Variants in DCDC2 observed in about 807,000 individuals in gnomAD.
The protein encoded by DCDC2 is doublecortin domain containing 2, also known as doublecortin domain-containing protein 2.
A neutral mutation model predicts 50.2 loss-of-function variants in DCDC2; 40 were observed. The observed-to-expected ratio is 0.80, with a 90% CI of 0.62 to 1.04. The LOEUF (loss-of-function observed/expected upper bound fraction) is 1.04. Ranked by LOEUF, DCDC2 falls within the 50% of genes least tolerant of loss-of-function variation. DCDC2 has a pLI of 0.00. For missense variants in DCDC2, 570 were observed against 581.9 expected (o/e 0.98, Z 0.21); for synonymous variants, 234 against 210.6 (o/e 1.11, Z -0.96).
Position 24,271,207 on chromosome 6 carries a change from C to CAAA in DCDC2, c.922+6839_922+6841dup, listed in dbSNP as rs543819229. On this transcript the variant is annotated intron_variant, in intron 7 of 9. Transcript: ENST00000378454. ...TGGGTGACAGAGTGAGACACTCCCTCAAAAAAAAAAAAAAAAAAGAGAGAG... is the reference window on the plus strand; with the variant it reads ...TGGGTGACAGAGTGAGACACTCCCTCAAAAAAAAAAAAAAAAAAAAAGAGAGAG... Among the ~76,000 whole-genome samples the CAAA allele has an allele frequency of 7.1e-4, 28 of 39,402 alleles. 1 individual carries two copies. The highest frequency in any genetic ancestry group is 2.1e-3 in the South Asian group (1 of 476). 25.8% of individuals were successfully genotyped at this position (39,402 alleles called of 152,430 possible).
chr6:24,357,993 A>G lies in DCDC2; in HGVS notation c.-243T>C. The G allele has an allele frequency of 7.2e-7, 1 of 1,397,366 alleles. No individual in the cohort carries two copies. Among genetic ancestry groups the G allele is most frequent in the South Asian group, 1.5e-5 (1 of 66,414 alleles). The allele number at this position is 1,397,366 out of a possible 1,614,324, so 86.6% of individuals were successfully genotyped here. A position where few individuals can be genotyped will look rare whatever the true frequency, so the allele number is the denominator to read the frequency against. ...TTCACCGTGGCGTGCACAGCCAATC[A>G]GGACCCGCAGTGCGCGCACCACACC... On this transcript the variant is annotated 5_prime_UTR_variant, in exon 1 of 10. Coordinates refer to ENST00000378454, the MANE Select transcript of DCDC2 (RefSeq NM_016356.5).
chr6:24,174,952 A>G (rs993845302), intron 9 of DCDC2, 118 bp from the exon 10 acceptor site: 11 of 532,924 alleles, frequency 2.1e-5, no homozygotes, highest in Middle Eastern at 5.1e-4. Flanking sequence ...TTAACTAAAA[A>G]GAGTTCCTGG....
chr6:24,258,340 A>C (rs1414018361), intron 7 of DCDC2, among the ~76,000 whole-genome samples: 1 of 152,150 alleles, frequency 6.6e-6, no homozygotes, highest in Admixed American at 6.5e-5. Flanking sequence ...GATCCATTTT[A>C]CAGAGCACTG....
At chr6:24,316,135 C>T (rs1436789895) in intron 2 of DCDC2, among the ~76,000 whole-genome samples, 2 of 152,086 alleles carry the variant, frequency 1.3e-5, no homozygotes, top group Non-Finnish European at 2.9e-5. Flanking sequence ...TCTGAGATGC[C>T]TATGAGACCT....
the DCDC2 span, among the ~76,000 whole-genome samples, chr6:24,375,614 C>T: frequency 1.3e-5 from 2 of 152,142 alleles, no homozygotes; most frequent in African/African-American, 2.4e-5. Context: ...ATGAGAAAGA[C>T]CTTCCCTCAC....
intron 2 of DCDC2, among the ~76,000 whole-genome samples, chr6:24,318,262 C>T (rs1349530202): frequency 3.9e-5 from 6 of 152,034 alleles, no homozygotes; most frequent in Admixed American, 3.3e-4. Flanking sequence ...AATGTCCATA[C>T]ATAGGAGAGT....
intron 6 of DCDC2, among the ~76,000 whole-genome samples, chr6:24,284,576 A>C (rs1470376231): frequency 6.7e-6 from 1 of 148,880 alleles, no homozygotes; most frequent in Non-Finnish European, 1.5e-5. Flanking sequence ...ATGCCACTGC[A>C]CTCCAGCCTG....
At chr6:24,355,123 CAAAT>C (rs1760441955) in intron 1 of DCDC2, among the ~76,000 whole-genome samples, 1 of 152,122 alleles carries the variant, frequency 6.6e-6, no homozygotes, top group South Asian at 2.1e-4. Context: ...TTCTTTAACA[CAAAT>C]AAAATAGTCA....
intron 6 of DCDC2, among the ~76,000 whole-genome samples, chr6:24,279,442 G>A (rs540773334): frequency 3.3e-5 from 5 of 152,064 alleles, no homozygotes; most frequent in Admixed American, 2.0e-4. Flanking sequence ...TCAGCCTGGC[G>A]TGCTGGTACA....
At chr6:24,202,122 C>T (rs1224994126) in intron 8 of DCDC2, among the ~76,000 whole-genome samples, 1 of 152,150 alleles carries the variant, frequency 6.6e-6, no homozygotes, top group Admixed American at 6.5e-5. Context: ...GGACTCCTCC[C>T]TAATTCATTT....
chr6:24,198,780 A>G (rs1316352530), intron 8 of DCDC2, among the ~76,000 whole-genome samples: 1 of 152,190 alleles, frequency 6.6e-6, no homozygotes, highest in Non-Finnish European at 1.5e-5. Context: ...CACTGCAAGC[A>G]CAGCAGTCTG....
intron 8 of DCDC2, among the ~76,000 whole-genome samples, chr6:24,200,062 T>TG (rs1761550975): frequency 6.6e-6 from 1 of 152,040 alleles, no homozygotes; most frequent in Non-Finnish European, 1.5e-5. Context: ...ATAGGGAGAA[T>TG]GAAACCAAGT....
chr6:24,198,631 T>C (rs1315637455), intron 8 of DCDC2, among the ~76,000 whole-genome samples: 1 of 151,238 alleles, frequency 6.6e-6, no homozygotes, highest in East Asian at 1.9e-4. Context: ...CATACCCCAG[T>C]GGTGCCTGGA....
At chr6:24,305,998 A>G (rs1012354011) in intron 2 of DCDC2, among the ~76,000 whole-genome samples, 3 of 152,156 alleles carry the variant, frequency 2.0e-5, no homozygotes, top group African/African-American at 4.8e-5. Flanking sequence ...ACTGCACTTC[A>G]GCCTGGGCAA....
intron 7 of DCDC2, among the ~76,000 whole-genome samples, chr6:24,211,823 C>T (rs899810888): frequency 6.6e-5 from 10 of 152,162 alleles, no homozygotes; most frequent in African/African-American, 2.4e-4. Flanking sequence ...ACCTCCAGAA[C>T]TGTAAGATAA....
intron 7 of DCDC2, among the ~76,000 whole-genome samples, chr6:24,264,274 T>C: frequency 6.6e-6 from 1 of 152,130 alleles, no homozygotes; most frequent in East Asian, 1.9e-4. Context: ...TTAATAAGCA[T>C]TAAGCAATCA....
chr6:24,374,112 A>G, the DCDC2 span, among the ~76,000 whole-genome samples: 1 of 150,326 alleles, frequency 6.7e-6, no homozygotes, highest in African/African-American at 2.4e-5. Flanking sequence ...CAGTGAGCCA[A>G]GACTGGGCTA....
intron 7 of DCDC2, among the ~76,000 whole-genome samples, chr6:24,241,437 T>C (rs1033722874): frequency 6.6e-6 from 1 of 152,186 alleles, no homozygotes; most frequent in African/African-American, 2.4e-5. Flanking sequence ...CAATCACTCG[T>C]TTTCCTAGTA....
At chr6:24,359,613 G>T (rs184925446), upstream of DCDC2, among the ~76,000 whole-genome samples, 300 of 134,574 alleles carry the variant, frequency 2.2e-3, 1 homozygote, top group African/African-American at 8.0e-3. Flanking sequence ...GAGAAAGAGA[G>T]AATCCGGGTA....
Sources: gnomAD v4.1 joint callset for allele counts (sites outside exome capture counted in the v4.1 genomes callset) on GRCh38, gnomAD v4.1.1 for gene constraint, MANE v1.5 for transcripts, NCBI Gene and HGNC (gene_info 2026-07-23, HGNC 2026-07-21) for gene names.